Variants in SPEG observed in about 807,000 individuals in gnomAD.
SPEG encodes striated muscle enriched protein kinase.
Under a neutral mutation model 300.4 loss-of-function variants are expected in SPEG, and 114 were observed. The observed-to-expected ratio is 0.38, with a 90% CI of 0.33 to 0.44. The LOEUF (loss-of-function observed/expected upper bound fraction) is 0.44. SPEG is among the 20% of genes least tolerant of loss of function. The pLI is 1.00. For synonymous variants in SPEG, 1,964 were observed against 2,018.9 expected, an observed-to-expected ratio of 0.97 and a Z score of 0.73; for missense variants, 4,201 against 4,586.2, an observed-to-expected ratio of 0.92 and a Z score of 2.43.
intron 12 of SPEG, 53 bp downstream of exon 12, chr2:219,469,101 G>T (rs910106021): frequency 6.2e-6 from 10 of 1,609,634 alleles, no homozygotes; most frequent in Non-Finnish European, 8.5e-6. Flanking sequence ...GGCCAGCCCA[G>T]CCCTGGGGTG....
At chr2:219,462,675 G>C (rs1359942972) in intron 8 of SPEG, among the ~76,000 whole-genome samples, 1 of 152,250 alleles carries the variant, frequency 6.6e-6, no homozygotes, top group Non-Finnish European at 1.5e-5. Context: ...CCAGCATTTT[G>C]AGAGGTGAGG....
At position 219,479,034 on chromosome 2, in the gene SPEG, G is replaced by C; in HGVS notation, c.5028-110G>C. On this transcript the variant is annotated intron_variant, in intron 22 of 40. Coordinates refer to ENST00000312358, the MANE Select transcript of SPEG (RefSeq NM_005876.5). This position sits in a 1 kb window ranked among gnomAD's most constrained non-coding sequence, Gnocchi z 5.5. ...AGAGGCAGTCTCTGGCTAGTATCAAGCATTCTGTAAGGGGAAGGAGAACCC... is the reference window on the plus strand; with the variant it reads ...AGAGGCAGTCTCTGGCTAGTATCAACCATTCTGTAAGGGGAAGGAGAACCC... The C allele has an allele frequency of 1.1e-6, 1 of 917,788 alleles. No homozygotes were observed. 56.9% of individuals were successfully genotyped at this position (917,788 alleles called of 1,614,324 possible).
chr2:219,446,404 G>C (rs1033200716), intron 3 of SPEG, among the ~76,000 whole-genome samples: 1 of 152,126 alleles, frequency 6.6e-6, no homozygotes, highest in African/African-American at 2.4e-5. Context: ...TTTCTCTCCA[G>C]GCCTCACCCA....
At chr2:219,461,257 C>G (rs914295875) in intron 6 of SPEG, 2 of 985,836 alleles carry the variant, frequency 2.0e-6, no homozygotes, top group African/African-American at 3.5e-5. Flanking sequence ...CTTTCCTATC[C>G]CTCGAGCGTT....
chr2:219,486,280 G>A (rs940869549), intron 31 of SPEG, among the ~76,000 whole-genome samples: 1 of 152,246 alleles, frequency 6.6e-6, no homozygotes, highest in Non-Finnish European at 1.5e-5. Flanking sequence ...AAAGGCTTCG[G>A]GAGGTTGGGT....
In SPEG at chr2:219,445,348, C is replaced by T. The variant is rs1689203528; in HGVS notation, c.815+187C>T. ...CCTCCTCCTGAGCCATCACCGCCCA[C>T]ATCCCCCTGCTCCCACCTGTCCTGG... On this transcript the variant is annotated intron_variant, in intron 3 of 40. Transcript: ENST00000312358. This position sits in a 1 kb window ranked among gnomAD's most constrained non-coding sequence, Gnocchi z 6.1. Among the ~76,000 whole-genome samples the T allele has an allele frequency of 6.6e-6, 1 of 152,150 alleles. No individual in the cohort carries two copies. Among genetic ancestry groups the T allele is most frequent in the Admixed American group, 6.5e-5 (1 of 15,288 alleles).
In SPEG at chr2:219,478,083, G is replaced by A. The variant is rs756087055; in HGVS notation, c.5005G>A (p.Gly1669Arg). The change falls in exon 22 of 41, where the codon GGA (glycine) becomes AGA (arginine). Residue 1669 changes from glycine (G) to arginine (R), a missense_variant. By Grantham distance (125) the Gly-to-Arg change is moderately radical (BLOSUM62 -2). This residue lies in a region of SPEG where 1,047 missense variants were observed against 1,356.8 expected (regional missense o/e 0.77). Coordinates refer to ENST00000312358, the MANE Select transcript of SPEG (RefSeq NM_005876.5). The stretch of plus-strand genomic sequence containing the variant: ...CCATGAGGCCTTCGAGAGGCGCCGG[G>A]GACTGGTCATTGTCACCGAGCTGTA... ...YFHEAFERRR[G>R]LVIVTELCTE... 2 of 1,614,116 alleles carry A rather than the reference G, an allele frequency of 1.2e-6. No homozygotes were observed. Among genetic ancestry groups the A allele is most frequent in the Admixed American group, 3.3e-5 (2 of 60,030 alleles).
At position 219,477,342 on chromosome 2, in the gene SPEG, G is replaced by T; in HGVS notation, c.4626G>T (p.Leu1542=). 6.2e-7 allele frequency: 1 copy of T among 1,613,668 alleles called. No individual in the cohort carries two copies. The highest frequency in any genetic ancestry group is 8.5e-7 in the Non-Finnish European group (1 of 1,179,902). The stretch of plus-strand genomic sequence containing the variant: ...TGTACGAGGAGAATGAGTGCTCCCT[G>T]GTGGTGCTCAGCACGGGGGCCCAGG... ...SFVYEENECS[L]VVLSTGAQDG... Residue 1542 remains leucine (L), a synonymous_variant, in exon 20 of 41, where the codon CTG becomes CTT. Coordinates refer to ENST00000312358, the MANE Select transcript of SPEG (RefSeq NM_005876.5). This position sits in a 1 kb window ranked among gnomAD's most constrained non-coding sequence, Gnocchi z 6.4.
chr2:219,475,864 C>A (rs537993295), intron 18 of SPEG, among the ~76,000 whole-genome samples: 2 of 152,332 alleles, frequency 1.3e-5, no homozygotes, highest in Admixed American at 1.3e-4. Context: ...GGCCCCCCTT[C>A]CTCCACGTCA....
chr2:219,463,392 A>ATTTTTTTTTTTTTTTTTTTT lies in SPEG; in HGVS notation c.2706-1022_2706-1003dup, dbSNP rs71040459. Among the ~76,000 whole-genome samples the ATTTTTTTTTTTTTTTTTTTT allele has an allele frequency of 8.4e-5, 2 of 23,910 alleles. 1 individual carries two copies. The highest frequency in any genetic ancestry group is 1.4e-4 in the Non-Finnish European group (2 of 14,668). 15.7% of individuals were successfully genotyped at this position (23,910 alleles called of 152,430 possible). ...AATTGATTGTCTGGTCCCCACTGTG[A>ATTTTTTTTTTTTTTTTTTTT]TTTTTTTTTTTTTTTTTTTTTTTTT... On this transcript the variant is annotated intron_variant, in intron 8 of 40. Coordinates refer to ENST00000312358, the MANE Select transcript of SPEG (RefSeq NM_005876.5).
intron 18 of SPEG, chr2:219,474,207 A>C: frequency 4.2e-6 from 1 of 239,980 alleles, no homozygotes; most frequent in Non-Finnish European, 8.2e-6. Flanking sequence ...GTGAAACCCC[A>C]TCTCTACTAA....
chr2:219,488,688 G>A (rs1330510478), intron 33 of SPEG, 23 bp downstream of exon 33: 17 of 1,603,452 alleles, frequency 1.1e-5, no homozygotes, highest in Admixed American at 1.7e-5. Context: ...CAGGGCCCCA[G>A]GGGGGTAGTG....
At position 219,439,949 on chromosome 2, in the gene SPEG, G is replaced by A. The variant is rs1475327906; in HGVS notation, c.388+4584G>A. 6.6e-6 allele frequency among the ~76,000 whole-genome samples: 1 copy of A among 152,210 alleles called. No homozygotes were observed. The highest frequency in any genetic ancestry group is 1.9e-4 in the East Asian group (1 of 5,198). ...CATGGGTGTCCAGGGTCCTCTGGCT[G>A]GAACGAGTGTGGACACACATATGTG... On this transcript the variant is annotated intron_variant, in intron 1 of 40. Coordinates refer to ENST00000312358, the MANE Select transcript of SPEG (RefSeq NM_005876.5). This position sits in a 1 kb window ranked among gnomAD's most constrained non-coding sequence, Gnocchi z 4.5.
At chr2:219,465,811 G>A (rs1691224200) in intron 9 of SPEG, 3 of 598,150 alleles carry the variant, frequency 5.0e-6, no homozygotes, top group Non-Finnish European at 9.1e-6. Context: ...GCGTGCATGT[G>A]TGCGTGTGCG....
chr2:219,474,991 G>T (rs1242021762), intron 18 of SPEG, among the ~76,000 whole-genome samples: 1 of 151,984 alleles, frequency 6.6e-6, no homozygotes, highest in African/African-American at 2.4e-5. Context: ...TGCTATGTTG[G>T]CCAGGCTGGT....
Position 219,451,792 on chromosome 2 carries a change from C to A in SPEG, c.2425C>A (p.Leu809Met), listed in dbSNP as rs1575068001. 1.9e-6 allele frequency: 3 copies of A among 1,546,494 alleles called. No homozygotes were observed. In the East Asian group the frequency reaches 7.3e-5, roughly 38 times the overall value. The change falls in exon 6 of 41, where the codon CTG (leucine) becomes ATG (methionine). Residue 809 changes from leucine (L) to methionine (M), a missense_variant. Coordinates refer to ENST00000312358, the MANE Select transcript of SPEG (RefSeq NM_005876.5). This position sits in a 1 kb window ranked among gnomAD's most constrained non-coding sequence, Gnocchi z 6.4. ...ELGQATCAAS[L>M]TVRPGGSTSP... Reference sequence around the variant, plus strand: ...GGGCCAGGCCACCTGTGCCGCCTCACTGACCGTGAGACCCGGTAGGGAGCC... The same window carrying A: ...GGGCCAGGCCACCTGTGCCGCCTCAATGACCGTGAGACCCGGTAGGGAGCC...
At chr2:219,489,307 C>T (rs1009006558) in intron 35 of SPEG, 29 bp from the exon 36 acceptor site, 5 of 1,613,374 alleles carry the variant, frequency 3.1e-6, no homozygotes, top group Non-Finnish European at 4.2e-6. Flanking sequence ...CCCCAAGGCA[C>T]CACGGTGATG....
Position 219,468,933 on chromosome 2 carries a change from G to A in SPEG, c.3376G>A (p.Val1126Met). 1 of 1,613,974 alleles carries A rather than the reference G, an allele frequency of 6.2e-7. No homozygotes were observed. The highest frequency in any genetic ancestry group is 2.2e-5 in the East Asian group (1 of 44,880). ...TCTGCACTCACTGCACATTGCCCATGTGGGCAGCGAGGACGAGGGGCTCTA... is the reference window on the plus strand; with the variant it reads ...TCTGCACTCACTGCACATTGCCCATATGGGCAGCGAGGACGAGGGGCTCTA... ...GGLHSLHIAH[V>M]GSEDEGLYAV... The change falls in exon 12 of 41, where the codon GTG becomes ATG. Residue 1126 changes from valine (V) to methionine (M), a missense_variant. By Grantham distance (21) the Val-to-Met change is conservative (BLOSUM62 1). Coordinates refer to ENST00000312358, the MANE Select transcript of SPEG (RefSeq NM_005876.5).
At chr2:219,465,919 G>GCA (rs1033573832) in intron 9 of SPEG, 4 of 710,230 alleles carry the variant, frequency 5.6e-6, no homozygotes, top group Non-Finnish European at 9.6e-6. Context: ...ATGCGTGTGT[G>GCA]TGTGCGCGCG....
Sources: allele counts gnomAD v4.1 joint callset (sites outside exome capture counted in the v4.1 genomes callset), GRCh38; gene constraint gnomAD v4.1.1; regional missense constraint gnomAD v4.1.1; non-coding constraint Gnocchi (gnomAD v3.1); transcripts MANE v1.5; gene names NCBI Gene and HGNC (gene_info 2026-07-23, HGNC 2026-07-21).